TANC2: variants seen among roughly 807,000 people sequenced by gnomAD.
The protein encoded by TANC2 is tetratricopeptide repeat, ankyrin repeat and coiled-coil containing 2.
A neutral mutation model predicts 210.5 loss-of-function variants in TANC2; 26 were observed. The observed-to-expected ratio is 0.12, with a 90% CI of 0.09 to 0.17. The LOEUF (loss-of-function observed/expected upper bound fraction) is 0.17. Among genes scored for constraint, TANC2 ranks in the 10% least tolerant of loss-of-function variants. TANC2 has a pLI of 1.00. For synonymous variants in TANC2, 931 were observed against 967.1 expected (o/e 0.96, Z 0.69); for missense variants, 2,129 against 2,608.9 (o/e 0.82, Z 4.01).
chr17:63,182,797 G>A (rs2040835916), intron 5 of TANC2: 1 of 152,802 alleles, frequency 6.5e-6, no homozygotes, highest in African/African-American at 2.4e-5. Flanking sequence ...AAAGAGAATT[G>A]TTGAAAAGGG....
intron 8 of TANC2, among the ~76,000 whole-genome samples, chr17:63,267,337 T>C (rs931401868): frequency 3.3e-5 from 5 of 152,162 alleles, no homozygotes; most frequent in African/African-American, 1.2e-4. Context: ...AGAGGCAAGA[T>C]GGCATTTTAA....
chr17:63,063,575 T>TGTGTGTGTGTGTGTAG lies in TANC2; in HGVS notation c.68-10368_68-10367insGTGTGTGTGTGTGTAG, dbSNP rs142486219. Among the ~76,000 whole-genome samples the TGTGTGTGTGTGTGTAG allele has an allele frequency of 8.1e-4, 107 of 132,586 alleles. 1 individual carries two copies. The highest frequency in any genetic ancestry group is 3.8e-3 in the Middle Eastern group (1 of 262). The allele number at this position is 132,586 out of a possible 152,430, so 87.0% of individuals were successfully genotyped here. A position where few individuals can be genotyped will look rare whatever the true frequency, so the allele number is the denominator to read the frequency against. On this transcript the variant is annotated intron_variant, in intron 2 of 27. Transcript: ENST00000689528. ...GTGTGTGTGTGTGTGTGTGTGTGTG[T>TGTGTGTGTGTGTGTAG]AGATATATCTCTTACAGTATCACAC...
intron 5 of TANC2, among the ~76,000 whole-genome samples, chr17:63,180,810 G>A (rs1187172400): frequency 1.3e-5 from 2 of 151,774 alleles, no homozygotes; most frequent in African/African-American, 4.8e-5. Flanking sequence ...AATCACCTGA[G>A]GTCAGGAGTT....
chr17:63,025,292 A>G (rs1276275970), intron 2 of TANC2, among the ~76,000 whole-genome samples: 1 of 152,148 alleles, frequency 6.6e-6, no homozygotes, highest in South Asian at 2.1e-4. Context: ...GGGATTCCCT[A>G]CTAGAGTGGC....
rs960278396 is a variant in TANC2 at position 63,314,004 on chromosome 17, A to G, written c.1160-384A>G. 1.5e-4 allele frequency among the ~76,000 whole-genome samples: 23 copies of G among 152,288 alleles called. No homozygotes were observed. In the South Asian group the frequency reaches 1.9e-3, roughly 12 times the overall value. On this transcript the variant is annotated intron_variant, in intron 9 of 27. Transcript: ENST00000689528. ...CACTCCTGCACCTCTCCACAATCCA[A>G]CAATTAAAAGGTTATCCCGTGGCGT...
In TANC2 at chr17:63,242,777, T is replaced by C. The variant is rs539834020; in HGVS notation, c.1033+4700T>C. ...GAATGGATAAACAATTGTGTATCCA[T>C]ACAGTGAAATTCTACTCAGCTACAG... is the stretch of plus-strand genomic sequence containing the variant. On this transcript the variant is annotated intron_variant, in intron 8 of 27. Transcript: ENST00000689528. 3.3e-5 allele frequency among the ~76,000 whole-genome samples: 5 copies of C among 152,270 alleles called. No homozygotes were observed. In the East Asian group the frequency reaches 7.7e-4, roughly 23 times the overall value.
At position 63,397,167 on chromosome 17, in the gene TANC2, C is replaced by T. The variant is rs1284214216; in HGVS notation, c.3237+1239C>T. ...GTAGGCACCTGTAATCCCAGCTACT[C>T]GGGAGGCTGAGACAGGAGAATCGCC... On this transcript the variant is annotated intron_variant, in intron 18 of 27. Coordinates refer to ENST00000689528, the Ensembl canonical transcript of TANC2. Among the ~76,000 whole-genome samples the T allele has an allele frequency of 2.6e-5, 4 of 151,842 alleles. No homozygotes were observed. The East Asian group carries it at 5.8e-4, about 22-fold the overall frequency.
chr17:63,419,227 C>T (rs1307097367), intron 27 of TANC2, among the ~76,000 whole-genome samples: 2 of 152,328 alleles, frequency 1.3e-5, no homozygotes, highest in Admixed American at 6.5e-5. Context: ...GCAGTGATCG[C>T]ACTCTTACCT....
chr17:63,177,706 C>T (rs73994408), intron 5 of TANC2, among the ~76,000 whole-genome samples: 2,050 of 152,210 alleles, frequency 0.013, 50 homozygotes, highest in African/African-American at 0.047. Flanking sequence ...AAGTTGAGCT[C>T]ATCATCTGTG....
chr17:62,968,897 G>A (rs902201866), intron 1 of TANC2, among the ~76,000 whole-genome samples: 6 of 152,158 alleles, frequency 3.9e-5, no homozygotes, highest in African/African-American at 2.4e-5. Context: ...CTTTCAGGAA[G>A]AGGGTGCAAT....
chr17:63,391,602 C>A (rs2047976435), intron 17 of TANC2: 1 of 152,132 alleles, frequency 6.6e-6, no homozygotes, highest in South Asian at 2.1e-4. Context: ...AATAACCCAA[C>A]CTCCCTACAT....
intron 1 of TANC2, among the ~76,000 whole-genome samples, chr17:62,977,444 T>A (rs149816701): frequency 2.7e-3 from 415 of 152,326 alleles, no homozygotes; most frequent in Admixed American, 5.1e-3. Flanking sequence ...GCAAATTTGG[T>A]TCCAGATTGG....
At chr17:63,142,060 T>C (rs879876700) in intron 4 of TANC2, among the ~76,000 whole-genome samples, 2 of 152,240 alleles carry the variant, frequency 1.3e-5, no homozygotes, top group Non-Finnish European at 2.9e-5. Context: ...AGATTTCTTA[T>C]ACACTGTTGG....
chr17:63,033,823 A>T (rs2034868124), intron 2 of TANC2, among the ~76,000 whole-genome samples: 1 of 152,132 alleles, frequency 6.6e-6, no homozygotes, highest in Non-Finnish European at 1.5e-5. Flanking sequence ...AAGGCAGAGG[A>T]AGAGAGAGAG....
intron 3 of TANC2, among the ~76,000 whole-genome samples, chr17:63,082,555 A>T (rs938184956): frequency 1.3e-5 from 2 of 152,192 alleles, no homozygotes; most frequent in African/African-American, 4.8e-5. Context: ...ATTTATTAAG[A>T]AGGAAGGGGA....
chr17:63,075,413 G>T (rs891762767), intron 3 of TANC2, among the ~76,000 whole-genome samples: 1 of 152,158 alleles, frequency 6.6e-6, no homozygotes, highest in Non-Finnish European at 1.5e-5. Flanking sequence ...GGACAACTAC[G>T]TGATCTCAAT....
chr17:63,306,506 G>A (rs1488990613), intron 9 of TANC2, among the ~76,000 whole-genome samples: 2 of 152,138 alleles, frequency 1.3e-5, no homozygotes, highest in Non-Finnish European at 2.9e-5. Flanking sequence ...GATGGTTCCT[G>A]CCTTCATAGA....
intron 26 of TANC2, among the ~76,000 whole-genome samples, chr17:63,417,195 T>G (rs1270724046): frequency 1.3e-5 from 2 of 152,148 alleles, no homozygotes; most frequent in Non-Finnish European, 2.9e-5. Context: ...ACGTCTGTCT[T>G]CTTAGGTAGA....
chr17:63,000,986 A>T (rs1402217991), intron 1 of TANC2, among the ~76,000 whole-genome samples: 1 of 127,292 alleles, frequency 7.9e-6, no homozygotes, highest in Admixed American at 7.5e-5. Context: ...AAAAAAAAAA[A>T]CCCTCTATAT....
Sources: gnomAD v4.1 joint callset for allele counts (sites outside exome capture counted in the v4.1 genomes callset) on GRCh38, gnomAD v4.1.1 for gene constraint, MANE v1.5 for transcripts, NCBI Gene and HGNC (gene_info 2026-07-23, HGNC 2026-07-21) for gene names.